The following GAK variants were observed in gnomAD, a reference collection of about 807,000 sequenced individuals.
GAK encodes cyclin G associated kinase.
In GAK, 79 loss-of-function variants were observed where a neutral mutation model predicts 143.9. That is an observed-to-expected ratio of 0.55 (90% CI 0.46 to 0.66). The LOEUF (loss-of-function observed/expected upper bound fraction) is 0.66, where lower values mean the gene tolerates loss of function less well. Among genes scored for constraint, GAK ranks in the 30% least tolerant of loss-of-function variants. GAK has a pLI of 0.00. For missense variants in GAK, 1,693 were observed against 1,779.7 expected, an observed-to-expected ratio of 0.95 and a Z score of 0.88; for synonymous variants, 881 against 765.5, an observed-to-expected ratio of 1.15 and a Z score of -2.49.
At position 901,900 on chromosome 4, in the gene GAK, C is replaced by T. The variant is rs574828257; in HGVS notation, c.525+2737G>A. ...GAACAGGAGGGCAAGAGACAAGGCTCGGTTCCTCCCACCTCACTGCGGATA... is the reference window on the plus strand; with the variant it reads ...GAACAGGAGGGCAAGAGACAAGGCTTGGTTCCTCCCACCTCACTGCGGATA... On this transcript the variant is annotated intron_variant, in intron 5 of 27. Coordinates refer to ENST00000314167, the MANE Select transcript of GAK (RefSeq NM_005255.4). 1.3e-3 allele frequency among the ~76,000 whole-genome samples: 205 copies of T among 152,302 alleles called. 1 individual carries two copies. The highest frequency in any genetic ancestry group is 4.7e-3 in the African/African-American group (195 of 41,574).
chr4:883,497 G>A (rs1300091860), intron 12 of GAK, 34 bp from the exon 13 acceptor site: 1 of 1,609,192 alleles, frequency 6.2e-7, no homozygotes, highest in Non-Finnish European at 8.5e-7. Context: ...GCACCTGGGA[G>A]ATGCGCACCT....
intron 24 of GAK, among the ~76,000 whole-genome samples, chr4:856,853 G>A (rs566593052): frequency 1.3e-5 from 2 of 152,244 alleles, no homozygotes; most frequent in Non-Finnish European, 2.9e-5. Context: ...TGGGGTTACG[G>A]TGTGAGCCAC....
chr4:928,023 G>C (rs1485779958), intron 1 of GAK, among the ~76,000 whole-genome samples: 1 of 152,238 alleles, frequency 6.6e-6, no homozygotes, highest in Non-Finnish European at 1.5e-5. Flanking sequence ...TGTGGGAAGA[G>C]GGTCGGCTAC....
chr4:919,881 C>T (rs925800226), intron 1 of GAK, among the ~76,000 whole-genome samples: 9 of 152,208 alleles, frequency 5.9e-5, no homozygotes, highest in Admixed American at 2.0e-4. Flanking sequence ...GGTCTGGGAA[C>T]GGCTCATGCC....
At chr4:862,159 C>T (rs1003494953) in intron 23 of GAK, among the ~76,000 whole-genome samples, 3 of 151,624 alleles carry the variant, frequency 2.0e-5, no homozygotes, top group African/African-American at 4.9e-5. Flanking sequence ...GGGCTGCACC[C>T]GCCAGACTCT....
chr4:912,647 G>C, intron 3 of GAK, 88 bp downstream of exon 3: 1 of 1,018,760 alleles, frequency 9.8e-7, no homozygotes, highest in Non-Finnish European at 1.5e-6. Flanking sequence ...TCACGGAGCA[G>C]CCTCTTGGCC....
Position 926,391 on chromosome 4 carries a change from C to T in GAK, c.145+5652G>A, listed in dbSNP as rs553935941. ...CTCCAGGGCACAATGCGCAGAGCAA[C>T]GGGGGCCAGGACAGGGGCCCTAAGG... On this transcript the variant is annotated intron_variant, in intron 1 of 27. Coordinates refer to ENST00000314167, the MANE Select transcript of GAK (RefSeq NM_005255.4). Among the ~76,000 whole-genome samples the T allele has an allele frequency of 5.8e-3, 877 of 152,292 alleles. 13 individuals are homozygous for T. Among genetic ancestry groups the T allele is most frequent in the African/African-American group, 0.02 (818 of 41,530 alleles).
chr4:930,989 C>T (rs1725621146), intron 1 of GAK, among the ~76,000 whole-genome samples: 1 of 152,214 alleles, frequency 6.6e-6, no homozygotes, highest in South Asian at 2.1e-4. Context: ...TCGCTTCACT[C>T]CCTCTCCCTG....
intron 15 of GAK, among the ~76,000 whole-genome samples, chr4:878,772 C>T (rs1182656197): frequency 2.0e-5 from 3 of 152,224 alleles, no homozygotes; most frequent in African/African-American, 4.8e-5. Flanking sequence ...CTGGCGTTCC[C>T]GTGGTGCCTC....
Position 919,339 on chromosome 4 carries a change from G to A in GAK, c.146-5671C>T, listed in dbSNP as rs565157393. 1.1e-4 allele frequency among the ~76,000 whole-genome samples: 16 copies of A among 149,092 alleles called. No individual in the cohort carries two copies. In the East Asian group the frequency reaches 2.6e-3, roughly 24 times the overall value. Reference sequence around the variant, plus strand: ...CCTCAGCACCCCATGACCTTAGCAGGACAGAAGGCTCCAAGGGCCTCAGCG... The same window carrying A: ...CCTCAGCACCCCATGACCTTAGCAGAACAGAAGGCTCCAAGGGCCTCAGCG... On this transcript the variant is annotated intron_variant, in intron 1 of 27. Transcript: ENST00000314167.
chr4:919,207 C>A (rs4690200), intron 1 of GAK, among the ~76,000 whole-genome samples: 5 of 74,680 alleles, frequency 6.7e-5, no homozygotes, highest in Admixed American at 2.9e-4. Context: ...ATGACCTTAG[C>A]AGGACAGAAG....
chr4:907,205 G>A (rs1017440561), intron 4 of GAK, among the ~76,000 whole-genome samples: 1 of 152,132 alleles, frequency 6.6e-6, no homozygotes. Context: ...ACCCACCTGC[G>A]TGTCCCCAGC....
chr4:917,348 A>C (rs1365976879), intron 1 of GAK, among the ~76,000 whole-genome samples: 1 of 152,222 alleles, frequency 6.6e-6, no homozygotes, highest in Non-Finnish European at 1.5e-5. Context: ...AAGAGAGTAC[A>C]TACACACACA....
At chr4:889,165 C>G (rs1248614395) in intron 10 of GAK, among the ~76,000 whole-genome samples, 195 bp from the exon 11 acceptor site, 1 of 152,112 alleles carries the variant, frequency 6.6e-6, no homozygotes, top group Non-Finnish European at 1.5e-5. Context: ...AGGCCCCTGA[C>G]CCACACGTAC....
At chr4:905,692 C>T (rs1720964096) in intron 4 of GAK, among the ~76,000 whole-genome samples, 1 of 151,858 alleles carries the variant, frequency 6.6e-6, no homozygotes, top group Non-Finnish European at 1.5e-5. Context: ...AGACGCCACA[C>T]CACACTTTGA....
chr4:922,955 G>A (rs1048544565), intron 1 of GAK, among the ~76,000 whole-genome samples: 1 of 152,208 alleles, frequency 6.6e-6, no homozygotes, highest in African/African-American at 2.4e-5. Context: ...ACGCAGAGGA[G>A]TCTCACCACG....
chr4:912,432 G>C (rs941625963), intron 3 of GAK: 13 of 397,114 alleles, frequency 3.3e-5, no homozygotes, highest in Non-Finnish European at 5.8e-5. Context: ...GGGCCGGGCC[G>C]GGCAAGGGCC....
intron 4 of GAK, among the ~76,000 whole-genome samples, chr4:906,038 T>C (rs1721020985): frequency 6.6e-6 from 1 of 152,202 alleles, no homozygotes; most frequent in African/African-American, 2.4e-5. Flanking sequence ...GCAGCTGAGC[T>C]GGCATGCCGT....
At chr4:865,295 C>A in intron 22 of GAK, 51 bp from the exon 23 acceptor site, 1 of 1,609,852 alleles carries the variant, frequency 6.2e-7, no homozygotes. Flanking sequence ...CAGCAGCAGG[C>A]AAATGTGGCG....
Sources: allele counts gnomAD v4.1 joint callset (sites outside exome capture counted in the v4.1 genomes callset), GRCh38; gene constraint gnomAD v4.1.1; transcripts MANE v1.5; gene names NCBI Gene and HGNC (gene_info 2026-07-23, HGNC 2026-07-21).